Variants in KCNIP1 observed in about 807,000 individuals in gnomAD.
The protein encoded by KCNIP1 is potassium voltage-gated channel interacting protein 1.
Under a neutral mutation model 33.0 loss-of-function variants are expected in KCNIP1, and 18 were observed. That is an observed-to-expected ratio of 0.55 (90% CI 0.38 to 0.81). The LOEUF is 0.81. KCNIP1 is among the 30% of genes least tolerant of loss of function. The pLI is 0.00. For synonymous variants in KCNIP1, 93 were observed against 98.3 expected, an observed-to-expected ratio of 0.95 and a Z score of 0.32; for missense variants, 238 against 271.6, an observed-to-expected ratio of 0.88 and a Z score of 0.87.
intron 1 of KCNIP1, among the ~76,000 whole-genome samples, chr5:170,663,278 C>A (rs536896641): frequency 6.6e-6 from 1 of 152,286 alleles, no homozygotes; most frequent in East Asian, 1.9e-4. Flanking sequence ...AAAGTCCCAG[C>A]CTTTAAATCA....
At chr5:170,492,600 C>CT (rs1757229011) in intron 1 of KCNIP1, among the ~76,000 whole-genome samples, 1 of 152,174 alleles carries the variant, frequency 6.6e-6, no homozygotes, top group South Asian at 2.1e-4. Flanking sequence ...AAGGCTTGGT[C>CT]TTTTTGGTGA....
intron 1 of KCNIP1, among the ~76,000 whole-genome samples, chr5:170,456,533 C>T (rs770376675): frequency 2.8e-4 from 42 of 151,548 alleles, no homozygotes; most frequent in South Asian, 4.2e-4. Flanking sequence ...TATCTTAAGA[C>T]GCTAGGGGAA....
At chr5:170,397,307 A>G (rs1754785653) in intron 1 of KCNIP1, among the ~76,000 whole-genome samples, 1 of 152,210 alleles carries the variant, frequency 6.6e-6, no homozygotes, top group African/African-American at 2.4e-5. Context: ...GGTTGAATCC[A>G]ACTGGTAGAC....
At chr5:170,670,909 A>AAT (rs1554109754) in intron 1 of KCNIP1, among the ~76,000 whole-genome samples, 12 of 133,930 alleles carry the variant, frequency 9.0e-5, no homozygotes, top group African/African-American at 3.1e-4. Flanking sequence ...AAACAAAAAA[A>AAT]AAAATAAAAA....
intron 1 of KCNIP1, among the ~76,000 whole-genome samples, chr5:170,577,659 C>T (rs145212272): frequency 6.6e-5 from 10 of 152,282 alleles, no homozygotes; most frequent in African/African-American, 1.7e-4. Flanking sequence ...AATGAATTTT[C>T]GGAGACAGCG....
In KCNIP1 at chr5:170,379,173, G is replaced by T. The variant is rs528237797; in HGVS notation, c.88+25209G>T. 2.0e-5 allele frequency among the ~76,000 whole-genome samples: 3 copies of T among 152,120 alleles called. No individual in the cohort carries two copies. In the South Asian group the frequency reaches 6.2e-4, roughly 32 times the overall value. ...CATTTGTGTCTTGTGTGTGGATGGCGGTGCTGGAGCTGCTCGGGGTACAGG... is the reference window on the plus strand; with the variant it reads ...CATTTGTGTCTTGTGTGTGGATGGCTGTGCTGGAGCTGCTCGGGGTACAGG... On this transcript the variant is annotated intron_variant, in intron 1 of 7. Coordinates refer to the KCNIP1 transcript ENST00000377360.
chr5:170,446,353 G>A (rs959793796), intron 1 of KCNIP1, among the ~76,000 whole-genome samples: 11 of 151,756 alleles, frequency 7.2e-5, no homozygotes, highest in Non-Finnish European at 1.3e-4. Context: ...TCTTCTCTTT[G>A]AGAAGTCTGA....
chr5:170,715,580 C>A (rs528253548), intron 1 of KCNIP1, among the ~76,000 whole-genome samples: 6 of 152,330 alleles, frequency 3.9e-5, no homozygotes, highest in Non-Finnish European at 8.8e-5. Flanking sequence ...GTGAGGCACT[C>A]ACAGTTAGAA....
intron 1 of KCNIP1, among the ~76,000 whole-genome samples, chr5:170,550,940 C>G (rs116671370): frequency 0.019 from 2,891 of 152,264 alleles, 39 homozygotes; most frequent in Middle Eastern, 0.075. Flanking sequence ...CCTTTAATTT[C>G]TTTGGAACAG....
Position 170,647,520 on chromosome 5 carries a change from G to A in KCNIP1, c.62-71238G>A, listed in dbSNP as rs141885003. ...ACAAAGGAACAGAGGCAATACAGAG[G>A]AGCAAAGACAGTTTTTTCAACAAAC... On this transcript the variant is annotated intron_variant, in intron 1 of 7. Transcript: ENST00000328939. Among the ~76,000 whole-genome samples, 958 of 151,790 alleles carry A rather than the reference G, an allele frequency of 6.3e-3. 9 individuals carry two copies. Among genetic ancestry groups the A allele is most frequent in the African/African-American group, 0.022 (911 of 41,362 alleles).
At chr5:170,429,846 T>C (rs907909116) in intron 1 of KCNIP1, among the ~76,000 whole-genome samples, 3 of 152,238 alleles carry the variant, frequency 2.0e-5, no homozygotes, top group Non-Finnish European at 4.4e-5. Context: ...TGTATTTGCC[T>C]ACACAAAACT....
chr5:170,389,767 G>A (rs75070487), intron 1 of KCNIP1: 2,117 of 152,366 alleles, frequency 0.014, 17 homozygotes, highest in Middle Eastern at 0.024. Context: ...AGCAGCTACA[G>A]CTCCCTGCCT....
intron 1 of KCNIP1, among the ~76,000 whole-genome samples, chr5:170,599,938 T>C (rs1474495581): frequency 6.6e-6 from 1 of 152,230 alleles, no homozygotes; most frequent in Non-Finnish European, 1.5e-5. Flanking sequence ...AGGAGAAAAG[T>C]GGAGCTTCTT....
chr5:170,707,031 T>G (rs1763277435), intron 1 of KCNIP1, among the ~76,000 whole-genome samples: 1 of 152,152 alleles, frequency 6.6e-6, no homozygotes. Flanking sequence ...GTTTCTCCAC[T>G]GCCACCTGAA....
chr5:170,602,600 G>A (rs1483222803), intron 1 of KCNIP1, among the ~76,000 whole-genome samples: 5 of 152,214 alleles, frequency 3.3e-5, no homozygotes, highest in Admixed American at 2.0e-4. Flanking sequence ...CCCTTTGGTG[G>A]CTCACTCACT....
intron 1 of KCNIP1, chr5:170,378,468 A>G: frequency 3.7e-6 from 2 of 540,032 alleles, no homozygotes; most frequent in East Asian, 3.0e-5. Flanking sequence ...AGAGAGCTAG[A>G]ACTGGCTGGC....
At position 170,701,466 on chromosome 5, in the gene KCNIP1, G is replaced by A. The variant is rs149596339; in HGVS notation, c.62-17292G>A. ...GCTTAGCGGTTGCCACCCACCACTC[G>A]TCAGACTAAACAGCCTCAGAGCCCT... On this transcript the variant is annotated intron_variant, in intron 1 of 7. Coordinates refer to ENST00000328939, the MANE Select transcript of KCNIP1 (RefSeq NM_014592.4). 7.3e-3 allele frequency among the ~76,000 whole-genome samples: 1,105 copies of A among 152,238 alleles called. 16 individuals are homozygous for A. Among genetic ancestry groups the A allele is most frequent in the African/African-American group, 0.025 (1,036 of 41,532 alleles).
At chr5:170,447,046 A>C (rs1241983121) in intron 1 of KCNIP1, among the ~76,000 whole-genome samples, 1 of 150,820 alleles carries the variant, frequency 6.6e-6, no homozygotes, top group East Asian at 2.0e-4. Flanking sequence ...GCTCAGGTGA[A>C]TCTCCATCTT....
chr5:170,416,963 A>G (rs1318017413), intron 1 of KCNIP1, among the ~76,000 whole-genome samples: 1 of 152,232 alleles, frequency 6.6e-6, no homozygotes, highest in African/African-American at 2.4e-5. Flanking sequence ...ATATGGTGCA[A>G]TATCTTTTTA....
Sources: allele counts gnomAD v4.1 joint callset (sites outside exome capture counted in the v4.1 genomes callset), GRCh38; gene constraint gnomAD v4.1.1; transcripts MANE v1.5; gene names NCBI Gene and HGNC (gene_info 2026-07-23, HGNC 2026-07-21).